KCNH5: variants seen among roughly 807,000 people sequenced by gnomAD.
The protein encoded by KCNH5 is voltage-gated delayed rectifier potassium channel KCNH5.
A neutral mutation model predicts 96.1 loss-of-function variants in KCNH5; 46 were observed. The ratio of observed to expected loss-of-function variants is 0.48; its 90% CI spans 0.38 to 0.61. The LOEUF is 0.61. Ranked by LOEUF, KCNH5 falls within the 20% of genes least tolerant of loss-of-function variation. The pLI is 0.00. For missense variants in KCNH5, 907 were observed against 1,225.8 expected (o/e 0.74, Z 3.88); for synonymous variants, 439 against 449.8 (o/e 0.98, Z 0.30).
chr14:62,927,550 C>A (rs971387013), intron 7 of KCNH5, among the ~76,000 whole-genome samples: 1 of 152,066 alleles, frequency 6.6e-6, no homozygotes, highest in African/African-American at 2.4e-5. Flanking sequence ...ATATTGTTCA[C>A]CCTTACAAAA....
rs1411038672 is a variant in KCNH5, at chr14:62,705,555, T to A, written c.*1953A>T. ...TATTGTAGCATTACATGGAGACGTG[T>A]TCCCCTGAAAACTTCCATTATGGTT... On this transcript the variant is annotated 3_prime_UTR_variant, in exon 11 of 11. Transcript: ENST00000322893. The A allele has an allele frequency of 6.6e-6, 1 of 151,982 alleles. No individual in the cohort carries two copies. Among genetic ancestry groups the A allele is most frequent in the Admixed American group, 6.6e-5 (1 of 15,254 alleles). 9.4% of individuals were successfully genotyped at this position (151,982 alleles called of 1,614,324 possible).
chr14:62,981,250 T>A lies in KCNH5; in HGVS notation c.564A>T (p.Gly188=). ...HSRLAEVLQL[G]SDILPQYKQE... ...GTTTATACTGAGGAAGGATATCTGA[T>A]CCCAGCTGAAGAACCTAAAAGAGAG... Residue 188 remains glycine, a synonymous_variant, in exon 6 of 11, where the codon GGA becomes GGT. Transcript: ENST00000322893. 6.2e-7 allele frequency: 1 copy of A among 1,614,008 alleles called. No individual in the cohort carries two copies. Among genetic ancestry groups the A allele is most frequent in the South Asian group, 1.1e-5 (1 of 91,076 alleles).
intron 7 of KCNH5, among the ~76,000 whole-genome samples, chr14:62,859,862 A>G (rs544068343): frequency 6.6e-6 from 1 of 152,254 alleles, no homozygotes; most frequent in East Asian, 1.9e-4. Flanking sequence ...CTTCCTCTGT[A>G]AACTGATCAT....
intron 6 of KCNH5, among the ~76,000 whole-genome samples, chr14:62,965,794 T>C (rs913462264): frequency 6.6e-6 from 1 of 152,186 alleles, no homozygotes; most frequent in African/African-American, 2.4e-5. Flanking sequence ...GGATACTGTG[T>C]ATTTCCTAAA....
chr14:62,828,208 A>G (rs1359604657), intron 8 of KCNH5, among the ~76,000 whole-genome samples: 1 of 151,886 alleles, frequency 6.6e-6, no homozygotes, highest in East Asian at 1.9e-4. Context: ...TCTATATTTA[A>G]TTTAATCTGT....
intron 7 of KCNH5, among the ~76,000 whole-genome samples, chr14:62,937,930 C>T (rs1012503774): frequency 6.6e-6 from 1 of 152,020 alleles, no homozygotes; most frequent in South Asian, 2.1e-4. Context: ...ATGAAGGGAC[C>T]GTTTGGACCC....
intron 7 of KCNH5, among the ~76,000 whole-genome samples, chr14:62,904,397 T>C (rs1034083796): frequency 9.2e-5 from 14 of 152,220 alleles, no homozygotes; most frequent in East Asian, 1.9e-4. Context: ...GTCAGACTTA[T>C]TAACTAGAGT....
intron 10 of KCNH5, among the ~76,000 whole-genome samples, chr14:62,721,911 C>G (rs915575819): frequency 2.6e-5 from 4 of 152,140 alleles, no homozygotes; most frequent in Admixed American, 2.6e-4. Flanking sequence ...ATATTAATTT[C>G]CTTACCTGTT....
intron 8 of KCNH5, among the ~76,000 whole-genome samples, chr14:62,821,172 G>A (rs1165009958): frequency 6.6e-6 from 1 of 150,440 alleles, no homozygotes; most frequent in Non-Finnish European, 1.5e-5. Context: ...CTTTTCAAAA[G>A]ATGACATATG....
At chr14:63,033,362 C>T (rs948709279) in intron 1 of KCNH5, among the ~76,000 whole-genome samples, 3 of 152,162 alleles carry the variant, frequency 2.0e-5, no homozygotes, top group African/African-American at 7.2e-5. Flanking sequence ...TTCTTTTTCT[C>T]CTTAGGAATG....
chr14:62,785,055 A>G (rs1886293315), intron 9 of KCNH5, among the ~76,000 whole-genome samples: 1 of 152,200 alleles, frequency 6.6e-6, no homozygotes, highest in Admixed American at 6.5e-5. Flanking sequence ...CATTATATAG[A>G]ATTTTCATTG....
At chr14:62,749,773 C>T (rs920128766) in intron 10 of KCNH5, among the ~76,000 whole-genome samples, 3 of 152,134 alleles carry the variant, frequency 2.0e-5, no homozygotes, top group Admixed American at 6.5e-5. Context: ...CTCTTGGCAC[C>T]GTTTAGCAAG....
At chr14:63,003,813 G>GCT (rs1891075694) in intron 3 of KCNH5, among the ~76,000 whole-genome samples, 1 of 150,310 alleles carries the variant, frequency 6.7e-6, no homozygotes, top group Non-Finnish European at 1.5e-5. Context: ...GTAGAGACGG[G>GCT]GTTTCACCGT....
At chr14:62,872,929 T>C (rs1323790345) in intron 7 of KCNH5, among the ~76,000 whole-genome samples, 3 of 152,052 alleles carry the variant, frequency 2.0e-5, no homozygotes, top group African/African-American at 4.8e-5. Context: ...GGCTGGTGGA[T>C]CACGAGGTCA....
rs1889975164 is a variant in KCNH5, at chr14:62,950,295, T to A, written c.1207A>T (p.Asn403Tyr). 6.2e-7 allele frequency: 1 copy of A among 1,613,888 alleles called. No homozygotes were observed. Among genetic ancestry groups the A allele is most frequent in the Non-Finnish European group, 8.5e-7 (1 of 1,179,972 alleles). ...CCTTCCCATATCCCAGCACTGGTAT[T>A]GTAGCGATATGGAGTCCCAATGCTC... ...ALSIGTPYRYNTSAGIWEGGP... is the reference protein window; with the variant it reads ...ALSIGTPYRYYTSAGIWEGGP... The change falls in exon 7 of 11, where the codon AAT becomes TAT. Residue 403 changes from asparagine to tyrosine, a missense_variant. Physicochemically the swap from Asn to Tyr is moderately radical, Grantham distance 143. This residue lies in a region of KCNH5 where 370 missense variants were observed against 561.3 expected (regional missense o/e 0.66). Transcript: ENST00000322893.
At chr14:62,770,485 G>A (rs1282070128) in intron 10 of KCNH5, among the ~76,000 whole-genome samples, 1 of 152,166 alleles carries the variant, frequency 6.6e-6, no homozygotes, top group Non-Finnish European at 1.5e-5. Flanking sequence ...ATTGCCAGCT[G>A]GCTTCAGTTG....
chr14:62,729,430 G>A (rs1408471157), intron 10 of KCNH5, among the ~76,000 whole-genome samples: 1 of 152,090 alleles, frequency 6.6e-6, no homozygotes, highest in Non-Finnish European at 1.5e-5. Context: ...TATATTTAGC[G>A]ACTTACTCAA....
chr14:62,799,744 CAT>C (rs1886619364), intron 9 of KCNH5, among the ~76,000 whole-genome samples: 3 of 122,604 alleles, frequency 2.4e-5, no homozygotes, highest in East Asian at 2.4e-4. Flanking sequence ...CACACACACA[CAT>C]ATCAGGGTGT....
At position 62,757,943 on chromosome 14, in the gene KCNH5, C is replaced by T. The variant is rs146251075; in HGVS notation, c.2019+21785G>A. On this transcript the variant is annotated intron_variant, in intron 10 of 10. Transcript: ENST00000322893. ...GGTGGATCACCTGAGGTCAGGAGTTCGAGACCAGCCTGGCCAACATGGCAA... is the reference window on the plus strand; with the variant it reads ...GGTGGATCACCTGAGGTCAGGAGTTTGAGACCAGCCTGGCCAACATGGCAA... 5.4e-3 allele frequency among the ~76,000 whole-genome samples: 824 copies of T among 152,102 alleles called. 6 individuals are homozygous for T. Among genetic ancestry groups the T allele is most frequent in the African/African-American group, 0.019 (798 of 41,498 alleles).
Sources: gnomAD v4.1 joint callset for allele counts (sites outside exome capture counted in the v4.1 genomes callset) on GRCh38, gnomAD v4.1.1 for gene constraint, gnomAD v4.1.1 regional missense constraint, MANE v1.5 for transcripts, NCBI Gene and HGNC (gene_info 2026-07-23, HGNC 2026-07-21) for gene names.